The following MAST4 variants were observed in gnomAD, a reference collection of about 807,000 sequenced individuals.
MAST4 encodes microtubule-associated serine/threonine-protein kinase 4.
In MAST4, 89 loss-of-function variants were observed where a neutral mutation model predicts 162.7. That is an observed-to-expected ratio of 0.55 (90% CI 0.46 to 0.65). MAST4 has a LOEUF of 0.65. Ranked by LOEUF, MAST4 falls within the 30% of genes least tolerant of loss-of-function variation. The probability of loss-of-function intolerance (pLI) is 0.00; values close to 1 mark genes in which losing one functional copy is unlikely to be tolerated. For synonymous variants in MAST4, 1,479 were observed against 1,361.1 expected (o/e 1.09, Z -1.91); for missense variants, 3,153 against 3,374.0 (o/e 0.93, Z 1.62).
At chr5:66,898,879 G>C (rs1382308521) in intron 3 of MAST4, among the ~76,000 whole-genome samples, 1 of 152,172 alleles carries the variant, frequency 6.6e-6, no homozygotes, top group Non-Finnish European at 1.5e-5. Context: ...AGCTGTGCTG[G>C]AGTAAGTTGT....
At chr5:67,003,775 G>A (rs1036354309) in intron 4 of MAST4, 14 of 152,118 alleles carry the variant, frequency 9.2e-5, no homozygotes, top group African/African-American at 3.4e-4. Flanking sequence ...GTACTTGAAG[G>A]GGCAATACTT....
At chr5:66,771,369 G>A (rs1754351816) in intron 2 of MAST4, among the ~76,000 whole-genome samples, 2 of 152,060 alleles carry the variant, frequency 1.3e-5, no homozygotes, top group African/African-American at 4.8e-5. Context: ...TGTATTTTTG[G>A]TAGACACAGG....
chr5:66,964,664 G>A (rs895034029), intron 4 of MAST4, among the ~76,000 whole-genome samples: 1 of 152,154 alleles, frequency 6.6e-6, no homozygotes, highest in Non-Finnish European at 1.5e-5. Flanking sequence ...AGCCGGGCGT[G>A]GTGGTGGGCG....
chr5:66,938,070 G>A (rs1420059530), intron 4 of MAST4, among the ~76,000 whole-genome samples: 2 of 151,934 alleles, frequency 1.3e-5, no homozygotes, highest in South Asian at 2.1e-4. Context: ...TTTCAGTTGA[G>A]TCTGTTTGGT....
At chr5:67,056,451 G>T (rs916594629) in intron 5 of MAST4, among the ~76,000 whole-genome samples, 1 of 152,052 alleles carries the variant, frequency 6.6e-6, no homozygotes, top group Non-Finnish European at 1.5e-5. Flanking sequence ...TTTTAATCTC[G>T]CTCCTCTTTA....
intron 1 of MAST4, among the ~76,000 whole-genome samples, chr5:66,666,293 C>T (rs1200263576): frequency 1.3e-5 from 2 of 152,162 alleles, no homozygotes; most frequent in Non-Finnish European, 2.9e-5. Context: ...CTTCAGACCG[C>T]TCTCTGATGG....
chr5:66,992,045 T>C (rs1361451287), intron 4 of MAST4, among the ~76,000 whole-genome samples: 1 of 152,236 alleles, frequency 6.6e-6, no homozygotes, highest in East Asian at 1.9e-4. Flanking sequence ...ATTTAATATA[T>C]ATTAAAACAA....
chr5:67,127,628 G>T (rs1433724997), intron 14 of MAST4, among the ~76,000 whole-genome samples: 2 of 152,006 alleles, frequency 1.3e-5, no homozygotes, highest in African/African-American at 4.8e-5. Flanking sequence ...GTATATCAGT[G>T]CTTATCTTCT....
At chr5:66,640,393 T>C (rs1019889455) in intron 1 of MAST4, among the ~76,000 whole-genome samples, 1 of 151,766 alleles carries the variant, frequency 6.6e-6, no homozygotes, top group African/African-American at 2.4e-5. Context: ...CTGCAAGCTC[T>C]GCCTCCCGGG....
At chr5:67,125,225 G>A (rs1001357632) in intron 14 of MAST4, among the ~76,000 whole-genome samples, 3 of 150,304 alleles carry the variant, frequency 2.0e-5, no homozygotes, top group Non-Finnish European at 4.4e-5. Flanking sequence ...TATATTTCCT[G>A]TTTGAAAACA....
chr5:67,095,593 A>G lies in MAST4; in HGVS notation c.834-4A>G, dbSNP rs1439165730. 6 of 1,605,928 alleles carry G rather than the reference A, an allele frequency of 3.7e-6. No homozygotes were observed. The highest frequency in any genetic ancestry group is 5.1e-6 in the Non-Finnish European group (6 of 1,175,916). Reference sequence around the variant, plus strand: ...GGCCTAAGCTAAACTCACTTTCTCAATAGGACTGATGGACGCCGCTGGTCG... The same window carrying G: ...GGCCTAAGCTAAACTCACTTTCTCAGTAGGACTGATGGACGCCGCTGGTCG... On this transcript the variant is annotated splice_region_variant and splice_polypyrimidine_tract_variant and intron_variant, in intron 6 of 28. Coordinates refer to ENST00000403625, the MANE Select transcript of MAST4 (RefSeq NM_001164664.2).
chr5:67,086,024 T>C (rs1232896078), intron 5 of MAST4, among the ~76,000 whole-genome samples: 1 of 152,176 alleles, frequency 6.6e-6, no homozygotes, highest in East Asian at 1.9e-4. Flanking sequence ...TTAAGCAGTG[T>C]CCATTTGCCA....
intron 3 of MAST4, chr5:66,789,828 T>C (rs1755304207): frequency 2.0e-6 from 1 of 500,086 alleles, no homozygotes; most frequent in African/African-American, 1.9e-5. Flanking sequence ...AAGAATCCAT[T>C]GATGATTCTT....
chr5:66,621,713 G>C (rs1453011141), intron 1 of MAST4, among the ~76,000 whole-genome samples: 1 of 152,164 alleles, frequency 6.6e-6, no homozygotes, highest in African/African-American at 2.4e-5. Flanking sequence ...AGCACCTACT[G>C]TGCATCGGGT....
At chr5:66,787,369 A>T (rs1283912621) in intron 2 of MAST4, among the ~76,000 whole-genome samples, 1 of 152,226 alleles carries the variant, frequency 6.6e-6, no homozygotes, top group Non-Finnish European at 1.5e-5. Flanking sequence ...AGAGTGAAAA[A>T]GCAATTCTGG....
At chr5:66,779,145 G>C (rs1220605660) in intron 2 of MAST4, among the ~76,000 whole-genome samples, 3 of 152,186 alleles carry the variant, frequency 2.0e-5, no homozygotes, top group East Asian at 1.9e-4. Context: ...GGCATCTCTG[G>C]TGGATTTAAG....
intron 3 of MAST4, among the ~76,000 whole-genome samples, chr5:66,802,772 C>G (rs1023331517): frequency 6.6e-6 from 1 of 152,138 alleles, no homozygotes. Flanking sequence ...TATACCTTTC[C>G]CAATTAAGTG....
intron 4 of MAST4, among the ~76,000 whole-genome samples, chr5:66,973,858 T>A (rs1747776173): frequency 6.6e-6 from 1 of 152,222 alleles, no homozygotes; most frequent in Non-Finnish European, 1.5e-5. Context: ...TGATGTGTAG[T>A]AATCTATAAC....
At chr5:66,789,795 C>A in intron 3 of MAST4, 1 of 516,888 alleles carries the variant, frequency 1.9e-6, no homozygotes, top group Non-Finnish European at 3.9e-6. Context: ...AATGCAAATA[C>A]GCTTTTCATC....
Sources: allele counts gnomAD v4.1 joint callset (sites outside exome capture counted in the v4.1 genomes callset), GRCh38; gene constraint gnomAD v4.1.1; transcripts MANE v1.5; gene names NCBI Gene and HGNC (gene_info 2026-07-23, HGNC 2026-07-21).